PRUNE2: variants seen among roughly 807,000 people sequenced by gnomAD.
PRUNE2 encodes the protein prune homolog 2 with BCH domain.
PRUNE2 carries 164 observed loss-of-function variants against 252.0 expected under a neutral mutation model. The ratio of observed to expected loss-of-function variants is 0.65; its 90% confidence interval spans 0.57 to 0.74. The LOEUF is 0.74. PRUNE2 is among the 30% of genes least tolerant of loss of function. The pLI is 0.00. For synonymous variants in PRUNE2, 1,292 were observed against 1,350.2 expected (o/e 0.96, Z 0.94); for missense variants, 3,495 against 3,711.0 (o/e 0.94, Z 1.51).
chr9:76,771,404 G>A (rs1259410167), intron 6 of PRUNE2, among the ~76,000 whole-genome samples: 1 of 152,096 alleles, frequency 6.6e-6, no homozygotes, highest in African/African-American at 2.4e-5. Flanking sequence ...CACTTAATAA[G>A]TCCTACTATA....
At chr9:76,640,500 C>G (rs764403661) in intron 12 of PRUNE2, among the ~76,000 whole-genome samples, 2 of 152,148 alleles carry the variant, frequency 1.3e-5, no homozygotes, top group Non-Finnish European at 2.9e-5. Flanking sequence ...GAAGATGCTA[C>G]CTATGTAAGT....
intron 16 of PRUNE2, chr9:76,627,793 T>C (rs115120725): frequency 1.2e-4 from 43 of 367,290 alleles, no homozygotes; most frequent in African/African-American, 8.0e-4. Context: ...TTCCTACTTA[T>C]ACTGTGCATA....
chr9:76,757,302 G>C (rs2051243992), intron 6 of PRUNE2, among the ~76,000 whole-genome samples: 2 of 152,182 alleles, frequency 1.3e-5, no homozygotes, highest in African/African-American at 4.8e-5. Flanking sequence ...AATATTACAA[G>C]CTAGATTAAT....
intron 18 of PRUNE2, among the ~76,000 whole-genome samples, chr9:76,615,723 C>A (rs1829156858): frequency 6.7e-6 from 1 of 148,506 alleles, no homozygotes; most frequent in African/African-American, 2.5e-5. Flanking sequence ...TTATTAGCAG[C>A]AATAGTACCT....
At chr9:76,698,317 G>A (rs1202010009) in intron 9 of PRUNE2, among the ~76,000 whole-genome samples, 1 of 152,174 alleles carries the variant, frequency 6.6e-6, no homozygotes, top group Admixed American at 6.5e-5. Flanking sequence ...GAAGTGCTGA[G>A]ATTACAGGCG....
intron 4 of PRUNE2, among the ~76,000 whole-genome samples, chr9:76,837,420 G>A (rs117289994): frequency 0.068 from 9,750 of 142,786 alleles, 452 homozygotes; most frequent in South Asian, 0.14. Context: ...CCGGCCTGGC[G>A]ACACAGTGAG....
chr9:76,860,897 G>A (rs1199384216), intron 1 of PRUNE2, among the ~76,000 whole-genome samples: 2 of 152,158 alleles, frequency 1.3e-5, no homozygotes, highest in Non-Finnish European at 2.9e-5. Context: ...GTCAACCAGG[G>A]TGTCTTCCTC....
chr9:76,886,682 C>A (rs1385536451), intron 1 of PRUNE2, among the ~76,000 whole-genome samples: 2 of 152,196 alleles, frequency 1.3e-5, no homozygotes, highest in East Asian at 1.9e-4. Flanking sequence ...AAAGGATTTT[C>A]ACTCCACACA....
In PRUNE2 at chr9:76,706,837, C is replaced by T. The variant is rs772602514; in HGVS notation, c.5437G>A (p.Asp1813Asn). The T allele has an allele frequency of 1.9e-6, 3 of 1,596,260 alleles. No individual in the cohort carries two copies. The highest frequency in any genetic ancestry group is 2.6e-6 in the Non-Finnish European group (3 of 1,171,308). ...SPKASFPKNEDNSQLEMLGFS... is the reference protein window; with the variant it reads ...SPKASFPKNENNSQLEMLGFS... ...CCCAGCATTTCCAGTTGAGAATTAT[C>T]TTCGTTCTTTGGGAACGAAGCTTTG... The change falls in exon 8 of 19, where the codon GAT (aspartate) becomes AAT (asparagine). Residue 1813 changes from aspartate to asparagine, a missense_variant. By Grantham distance (23) the Asp-to-Asn change is conservative. Coordinates refer to ENST00000376718, the MANE Select transcript of PRUNE2 (RefSeq NM_015225.3).
At chr9:76,891,264 C>T (rs2062456247) in intron 1 of PRUNE2, among the ~76,000 whole-genome samples, 1 of 152,224 alleles carries the variant, frequency 6.6e-6, no homozygotes, top group Admixed American at 6.5e-5. Context: ...ATTACACCTG[C>T]TCTGTAGCAG....
At chr9:76,837,872 C>A (rs576780193) in intron 4 of PRUNE2, among the ~76,000 whole-genome samples, 3 of 150,916 alleles carry the variant, frequency 2.0e-5, no homozygotes, top group Non-Finnish European at 2.9e-5. Flanking sequence ...CCTGGGTTCA[C>A]GCCATTCTCC....
intron 17 of PRUNE2, among the ~76,000 whole-genome samples, chr9:76,623,181 G>A (rs1833097981): frequency 6.6e-6 from 1 of 152,132 alleles, no homozygotes; most frequent in South Asian, 2.1e-4. Context: ...ATTTAAAATA[G>A]GGAAGAAACT....
intron 1 of PRUNE2, among the ~76,000 whole-genome samples, chr9:76,880,335 G>C (rs1264777087): frequency 6.6e-6 from 1 of 152,112 alleles, no homozygotes; most frequent in Non-Finnish European, 1.5e-5. Context: ...GGGGTCCCTG[G>C]GTAACTTTGA....
At position 76,850,684 on chromosome 9, in the gene PRUNE2, A is replaced by T; in HGVS notation, c.142-19T>A. Reference sequence around the variant, plus strand: ...GACTGACCTACCAAGAAAAAAGTTGACTGAATTACTGAAAATAGCAGGAGG... The same window carrying T: ...GACTGACCTACCAAGAAAAAAGTTGTCTGAATTACTGAAAATAGCAGGAGG... On this transcript the variant is annotated intron_variant, in intron 2 of 18. Coordinates refer to ENST00000376718, the MANE Select transcript of PRUNE2 (RefSeq NM_015225.3). 6.5e-7 allele frequency: 1 copy of T among 1,539,136 alleles called. No homozygotes were observed. The highest frequency in any genetic ancestry group is 9.0e-7 in the Non-Finnish European group (1 of 1,113,810).
rs768509007 is a variant in PRUNE2, at chr9:76,823,760, T to C, written c.662-34A>G. 4.5e-6 allele frequency: 6 copies of C among 1,321,570 alleles called. No individual in the cohort carries two copies. In the Admixed American group the frequency reaches 5.8e-5, roughly 13 times the overall value. The allele number at this position is 1,321,570 out of a possible 1,614,324, so 81.9% of individuals were successfully genotyped here. On this transcript the variant is annotated intron_variant, in intron 5 of 18. Coordinates refer to ENST00000376718, the MANE Select transcript of PRUNE2 (RefSeq NM_015225.3). ...GACAGGAAAAAAAAACATTATGTTA[T>C]ACTTGAGGGATTTTTTTTTTGTAAT...
intron 9 of PRUNE2, among the ~76,000 whole-genome samples, chr9:76,682,771 A>T (rs1159515439): frequency 6.6e-6 from 1 of 152,256 alleles, no homozygotes; most frequent in Non-Finnish European, 1.5e-5. Context: ...GTAAAGATCA[A>T]ATCAGCATCA....
At chr9:76,668,919 T>C (rs959879229) in intron 9 of PRUNE2, among the ~76,000 whole-genome samples, 5 of 149,620 alleles carry the variant, frequency 3.3e-5, no homozygotes, top group South Asian at 4.5e-4. Flanking sequence ...GTCATCAGGG[T>C]TGGTTTCTTC....
intron 15 of PRUNE2, among the ~76,000 whole-genome samples, chr9:76,632,463 TG>T (rs1236445471): frequency 6.6e-6 from 1 of 152,202 alleles, no homozygotes; most frequent in African/African-American, 2.4e-5. Flanking sequence ...GGCAGACAAT[TG>T]GTTTCAAAGA....
intron 6 of PRUNE2, among the ~76,000 whole-genome samples, chr9:76,715,961 A>G (rs1054281967): frequency 6.6e-6 from 1 of 151,872 alleles, no homozygotes; most frequent in Non-Finnish European, 1.5e-5. Flanking sequence ...TAAGCCTTAC[A>G]GTTTTCCTTT....
Sources: gnomAD v4.1 joint callset for allele counts (sites outside exome capture counted in the v4.1 genomes callset) on GRCh38, gnomAD v4.1.1 for gene constraint, MANE v1.5 for transcripts, NCBI Gene and HGNC (gene_info 2026-07-23, HGNC 2026-07-21) for gene names.